TENT4A: variants seen among roughly 807,000 people sequenced by gnomAD.
TENT4A encodes the protein terminal nucleotidyltransferase 4A.
Under a neutral mutation model 72.8 loss-of-function variants are expected in TENT4A, and 7 were observed. That is an observed-to-expected ratio of 0.10 (90% confidence interval 0.05 to 0.18). The LOEUF is 0.18. Among genes scored for constraint, TENT4A ranks in the 10% least tolerant of loss-of-function variants. The pLI, the probability that TENT4A is intolerant of heterozygous loss-of-function variation, is 1.00. For missense variants in TENT4A, 831 were observed against 1,017.7 expected (o/e 0.82, Z 2.50); for synonymous variants, 456 against 434.3 (o/e 1.05, Z -0.62).
chr5:6,746,306 C>T lies in TENT4A; in HGVS notation c.1338C>T (p.Tyr446=), dbSNP rs1296987274. The change falls in exon 7 of 13, where the codon TAC becomes TAT. Residue 446 remains tyrosine (Y), a synonymous_variant. Coordinates refer to ENST00000230859, the MANE Select transcript of TENT4A (RefSeq NM_006999.6). ...AACTCTATGGGAGAAATTTTAATTA[C>T]TTGAAAACCGGTATTAGAATCAAAG... ...FFELYGRNFN[Y]LKTGIRIKEG... The T allele has an allele frequency of 1.2e-6, 2 of 1,614,180 alleles. No individual in the cohort carries two copies. Among genetic ancestry groups the T allele is most frequent in the South Asian group, 1.1e-5 (1 of 91,088 alleles).
At chr5:6,714,764 G>C (rs1181176029) in intron 1 of TENT4A, 65 bp downstream of exon 1, 81 of 530,602 alleles carry the variant, frequency 1.5e-4, no homozygotes, top group Middle Eastern at 7.3e-4. Flanking sequence ...CGCCCGCGGT[G>C]CAGACACCCG....
intron 4 of TENT4A, among the ~76,000 whole-genome samples, chr5:6,740,749 G>A (rs1409121735): frequency 6.6e-6 from 1 of 152,236 alleles, no homozygotes; most frequent in Admixed American, 6.5e-5. Context: ...GAGCGAGCAG[G>A]CAGCACCAGA....
At position 6,738,663 on chromosome 5, in the gene TENT4A, G is replaced by A; in HGVS notation, c.841-20G>A. ...CTTGGTTTGTGGTATACATTTTAAG[G>A]CAACCACTCTTTCTTTCAGGTACAG... On this transcript the variant is annotated intron_variant, in intron 2 of 12. Coordinates refer to ENST00000230859, the MANE Select transcript of TENT4A (RefSeq NM_006999.6). 6.2e-7 allele frequency: 1 copy of A among 1,602,374 alleles called. No homozygotes were observed. The highest frequency in any genetic ancestry group is 8.6e-7 in the Non-Finnish European group (1 of 1,169,376).
In TENT4A at chr5:6,750,153, G is replaced by A. The variant is rs28381411; in HGVS notation, c.1688-178G>A. On this transcript the variant is annotated intron_variant, in intron 9 of 12. Transcript: ENST00000230859. Reference sequence around the variant, plus strand: ...CCAAGTTATTACAAACATGTTTAATGTTTTCCAACAACTAATTGAATGTAA... The same window carrying A: ...CCAAGTTATTACAAACATGTTTAATATTTTCCAACAACTAATTGAATGTAA... Among the ~76,000 whole-genome samples, 1,282 of 152,322 alleles carry A rather than the reference G, an allele frequency of 8.4e-3. 21 individuals are homozygous for A. The highest frequency in any genetic ancestry group is 0.028 in the African/African-American group (1,169 of 41,580).
Position 6,739,656 on chromosome 5 carries a change from G to GGT in TENT4A, c.888-74_888-73dup, listed in dbSNP as rs1280940612. 3.2e-6 allele frequency: 5 copies of GGT among 1,564,386 alleles called. No homozygotes were observed. In the East Asian group the frequency reaches 9.0e-5, roughly 28 times the overall value. ...TGGGAGACACAGGCACATGTGCCTT[G>GGT]GTGCTTATCCTCCCCACACGAGTGT... On this transcript the variant is annotated intron_variant, in intron 3 of 12. Coordinates refer to ENST00000230859, the MANE Select transcript of TENT4A (RefSeq NM_006999.6).
chr5:6,724,838 C>G (rs1369142448), intron 1 of TENT4A, among the ~76,000 whole-genome samples: 1 of 152,148 alleles, frequency 6.6e-6, no homozygotes, highest in Non-Finnish European at 1.5e-5. Context: ...TGACTGAGCC[C>G]TCACCCTTTA....
Position 6,752,878 on chromosome 5 carries a change from G to A in TENT4A, c.2025G>A (p.Arg675=). The change falls in exon 12 of 13, where the codon AGG becomes AGA. Residue 675 remains arginine, a synonymous_variant. Transcript: ENST00000230859. ...TLIMTTNNQT[R]FTIPPPTLGV... Reference sequence around the variant, plus strand: ...GTCTCTCATTTTGTTCCTAGACCAGGTTTACTATACCTCCACCGACCCTAG... The same window carrying A: ...GTCTCTCATTTTGTTCCTAGACCAGATTTACTATACCTCCACCGACCCTAG... 6.2e-7 allele frequency: 1 copy of A among 1,612,850 alleles called. No homozygotes were observed. Among genetic ancestry groups the A allele is most frequent in the Non-Finnish European group, 8.5e-7 (1 of 1,178,958 alleles).
rs1742394077 is a variant in TENT4A at position 6,751,370 on chromosome 5, C to T, written c.2019+173C>T. The stretch of plus-strand genomic sequence containing the variant: ...CTCTCTTTTTTGTGGTGTTGAGGTC[C>T]CCCATGTATAGTTTCAGCAGCGAGG... On this transcript the variant is annotated intron_variant, in intron 11 of 12. Coordinates refer to ENST00000230859, the MANE Select transcript of TENT4A (RefSeq NM_006999.6). 4 of 656,112 alleles carry T rather than the reference C, an allele frequency of 6.1e-6. No individual in the cohort carries two copies. The Admixed American group carries it at 1.1e-4, about 18-fold the overall frequency. The allele number at this position is 656,112 out of a possible 1,614,324, so 40.6% of individuals were successfully genotyped here. A position where few individuals can be genotyped will look rare whatever the true frequency, so the allele number is the denominator to read the frequency against.
intron 6 of TENT4A, 68 bp from the exon 7 acceptor site, chr5:6,746,146 C>T (rs957921455): frequency 2.8e-5 from 45 of 1,609,942 alleles, no homozygotes; most frequent in Middle Eastern, 1.7e-4. Context: ...CAGCAGACTT[C>T]GTCGCGTGCT....
chr5:6,736,774 C>G (rs945572877), intron 1 of TENT4A, among the ~76,000 whole-genome samples: 10 of 152,222 alleles, frequency 6.6e-5, no homozygotes, highest in Admixed American at 3.3e-4. Flanking sequence ...TGCTTGAAAA[C>G]ACTGCTTTAG....
intron 3 of TENT4A, among the ~76,000 whole-genome samples, chr5:6,739,303 G>C (rs1741677338): frequency 6.6e-6 from 1 of 152,172 alleles, no homozygotes; most frequent in African/African-American, 2.4e-5. Flanking sequence ...CTCAGGATTT[G>C]GGGGTTGACA....
Position 6,754,936 on chromosome 5 carries a change from C to T in TENT4A, c.2370C>T (p.Leu790=), listed in dbSNP as rs1742611560. The stretch of plus-strand genomic sequence containing the variant: ...CACGGGACAGTCTGCCCGTGAGCCT[C>T]AGCAGATAATGGCTCCTGGCTGCGT... ...THTRDSLPVS[L]SR Residue 790 remains leucine, a synonymous_variant, in exon 13 of 13, where the codon CTC becomes CTT. Transcript: ENST00000230859. The T allele has an allele frequency of 6.3e-7, 1 of 1,579,292 alleles. No individual in the cohort carries two copies. The highest frequency in any genetic ancestry group is 8.7e-7 in the Non-Finnish European group (1 of 1,154,360).
intron 1 of TENT4A, among the ~76,000 whole-genome samples, chr5:6,718,524 G>A (rs1180078507): frequency 1.3e-5 from 2 of 152,222 alleles, no homozygotes; most frequent in South Asian, 2.1e-4. Context: ...GCGGTGGCAC[G>A]TGTGGACCTT....
intron 1 of TENT4A, among the ~76,000 whole-genome samples, chr5:6,736,399 TG>T (rs1156470585): frequency 6.6e-6 from 1 of 152,232 alleles, no homozygotes; most frequent in Non-Finnish European, 1.5e-5. Flanking sequence ...CTTTGCCAGC[TG>T]TTCGTTGGCC....
intron 1 of TENT4A, among the ~76,000 whole-genome samples, chr5:6,725,780 G>C (rs1270213579): frequency 6.6e-6 from 1 of 152,094 alleles, no homozygotes; most frequent in East Asian, 1.9e-4. Context: ...CTCTAGGCTC[G>C]TGTAGATGGA....
At chr5:6,720,080 G>C (rs1250112423) in intron 1 of TENT4A, among the ~76,000 whole-genome samples, 1 of 152,192 alleles carries the variant, frequency 6.6e-6, no homozygotes, top group Non-Finnish European at 1.5e-5. Flanking sequence ...GGCGCTGTCA[G>C]CTTCTTAAGG....
chr5:6,741,058 G>T (rs368697116), intron 4 of TENT4A, among the ~76,000 whole-genome samples: 7 of 152,314 alleles, frequency 4.6e-5, no homozygotes, highest in African/African-American at 1.4e-4. Flanking sequence ...CTGACCAGGC[G>T]ACCACCTTTG....
intron 6 of TENT4A, 183 bp from the exon 7 acceptor site, chr5:6,746,031 C>A: frequency 6.9e-7 from 1 of 1,451,384 alleles, no homozygotes; most frequent in Non-Finnish European, 9.0e-7. Flanking sequence ...CCGTTGTGTT[C>A]CTTTTGAACA....
chr5:6,738,754 G>T, intron 3 of TENT4A, 25 bp downstream of exon 3: 1 of 1,561,682 alleles, frequency 6.4e-7, no homozygotes, highest in Non-Finnish European at 8.8e-7. Context: ...GCATGGCATG[G>T]GCTAGTGGGG....
Sources: gnomAD v4.1 joint callset for allele counts (sites outside exome capture counted in the v4.1 genomes callset) on GRCh38, gnomAD v4.1.1 for gene constraint, MANE v1.5 for transcripts, NCBI Gene and HGNC (gene_info 2026-07-23, HGNC 2026-07-21) for gene names.